The following PTPN3 variants were observed in gnomAD, a reference collection of about 807,000 sequenced individuals.
PTPN3 encodes protein tyrosine phosphatase non-receptor type 3, also known as tyrosine-protein phosphatase non-receptor type 3.
PTPN3 carries 96 observed loss-of-function variants against 132.7 expected under a neutral mutation model. The observed-to-expected ratio is 0.72, with a 90% CI of 0.61 to 0.86. The LOEUF (loss-of-function observed/expected upper bound fraction) is 0.86. Ranked by LOEUF, PTPN3 falls within the 40% of genes least tolerant of loss-of-function variation. The pLI, the probability that PTPN3 is intolerant of heterozygous loss-of-function variation, is 0.00. For missense variants in PTPN3, 1,125 were observed against 1,159.6 expected (o/e 0.97, Z 0.43); for synonymous variants, 398 against 429.0 (o/e 0.93, Z 0.89).
At position 109,457,210 on chromosome 9, in the gene PTPN3, C is replaced by T; in HGVS notation, c.252G>A (p.Trp84Ter). The part of the protein sequence containing the change: ...HDDDSVDSPR[W>*]LEASKAIRKQ... ...TCCTGATGGCTTTGCTTGCTTCCAG[C>T]CATCTCTGTTGGACAAGAAAACATA... is the stretch of plus-strand genomic sequence containing the variant. Residue 84 changes from tryptophan (W) to a stop codon, truncating the protein, a stop_gained, in exon 4 of 26, where the codon TGG (tryptophan) becomes TGA (stop). Coordinates refer to ENST00000374541, the MANE Select transcript of PTPN3 (RefSeq NM_002829.4). LOFTEE classifies it high-confidence loss of function. 6.2e-7 allele frequency: 1 copy of T among 1,613,974 alleles called. No individual in the cohort carries two copies. The highest frequency in any genetic ancestry group is 1.3e-5 in the African/African-American group (1 of 75,032).
At chr9:109,484,698 G>T (rs1847131304) in intron 1 of PTPN3, among the ~76,000 whole-genome samples, 1 of 152,170 alleles carries the variant, frequency 6.6e-6, no homozygotes, top group Non-Finnish European at 1.5e-5. Context: ...CAGCACCCTT[G>T]TTTGATATCC....
At chr9:109,389,072 C>T (rs1839833960) in intron 22 of PTPN3, among the ~76,000 whole-genome samples, 161 bp downstream of exon 22, 1 of 152,064 alleles carries the variant, frequency 6.6e-6, no homozygotes, top group Non-Finnish European at 1.5e-5. Flanking sequence ...GCTGAGCCTC[C>T]CGTCACTAGG....
chr9:109,532,773 A>G, the PTPN3 span: 5 of 483,352 alleles, frequency 1.0e-5, no homozygotes, highest in South Asian at 8.9e-5. Flanking sequence ...CTGGAATTTC[A>G]TATTTCTTCT....
At chr9:109,479,315 G>A (rs2132096902) in intron 1 of PTPN3, among the ~76,000 whole-genome samples, 1 of 152,216 alleles carries the variant, frequency 6.6e-6, no homozygotes, top group Admixed American at 6.5e-5. Flanking sequence ...ATTTCACTTA[G>A]CATGTTTTTA....
intron 9 of PTPN3, among the ~76,000 whole-genome samples, chr9:109,433,635 G>A (rs879722877): frequency 1.1e-4 from 17 of 152,222 alleles, no homozygotes; most frequent in Non-Finnish European, 1.9e-4. Flanking sequence ...GCTGGGTGAG[G>A]TGGCTCACGC....
At chr9:109,419,761 T>C (rs953901318) in intron 14 of PTPN3, among the ~76,000 whole-genome samples, 3 of 152,206 alleles carry the variant, frequency 2.0e-5, no homozygotes, top group East Asian at 3.9e-4. Flanking sequence ...GGGAAACAAA[T>C]GGGTTAAATA....
rs1842823689 is a variant in PTPN3, at chr9:109,420,507, T to C, written c.1230A>G (p.Glu410=). The C allele has an allele frequency of 6.2e-7, 1 of 1,613,408 alleles. No homozygotes were observed. The highest frequency in any genetic ancestry group is 1.3e-5 in the African/African-American group (1 of 74,926). The part of the protein sequence containing the change: ...ANEMTYITET[E]DVFYTYKGSL... Reference sequence around the variant, plus strand: ...AGCCCTTGTACGTGTAAAATACATCTTCCGTTTCCGTGATGTAGGTCATTT... The same window carrying C: ...AGCCCTTGTACGTGTAAAATACATCCTCCGTTTCCGTGATGTAGGTCATTT... The change falls in exon 14 of 26, where the codon GAA becomes GAG. Residue 410 remains glutamate, a synonymous_variant. Coordinates refer to ENST00000374541, the MANE Select transcript of PTPN3 (RefSeq NM_002829.4).
chr9:109,405,726 A>T (rs1841507661), intron 18 of PTPN3, among the ~76,000 whole-genome samples: 1 of 152,206 alleles, frequency 6.6e-6, no homozygotes, highest in African/African-American at 2.4e-5. Context: ...AGTAGCTGGG[A>T]CTATACCCAC....
In PTPN3 at chr9:109,457,316, A is replaced by G. The variant is rs370731089; in HGVS notation, c.222T>C (p.His74=). Residue 74 remains histidine, a synonymous_variant, in exon 3 of 26, where the codon CAT becomes CAC. Coordinates refer to ENST00000374541, the MANE Select transcript of PTPN3 (RefSeq NM_002829.4). The part of the protein sequence containing the change: ...VTEKEYFGLQ[H]DDDSVDSPRW... ...CAGGAGAGTCCACGGAGTCGTCATC[A>G]TGCTGTAAACCAAAATATTCCTTTT... 1 of 1,614,080 alleles carries G rather than the reference A, an allele frequency of 6.2e-7. No homozygotes were observed. The highest frequency in any genetic ancestry group is 1.3e-5 in the African/African-American group (1 of 74,946).
chr9:109,510,570 AAAAAAAATAT>A, the PTPN3 span, among the ~76,000 whole-genome samples: 18 of 78,504 alleles, frequency 2.3e-4, no homozygotes, highest in Non-Finnish European at 4.1e-4. Flanking sequence ...AAAAAAAAAA[AAAAAAAATAT>A]ATATATATAT....
At chr9:109,492,347 C>T (rs765612376) in intron 1 of PTPN3, among the ~76,000 whole-genome samples, 5 of 152,190 alleles carry the variant, frequency 3.3e-5, no homozygotes, top group Non-Finnish European at 5.9e-5. Context: ...GCAGCCATGG[C>T]CCCTGCACAG....
Position 109,413,520 on chromosome 9 carries a change from A to G in PTPN3, c.1314-3105T>C, listed in dbSNP as rs564770529. On this transcript the variant is annotated intron_variant, in intron 14 of 25. Transcript: ENST00000374541. Reference sequence around the variant, plus strand: ...TAGTGCCTCCTCTGTCGCTGGGCAGAATGCAGTGCGGCTGAGGAGCGCAGG... The same window carrying G: ...TAGTGCCTCCTCTGTCGCTGGGCAGGATGCAGTGCGGCTGAGGAGCGCAGG... 5.3e-5 allele frequency among the ~76,000 whole-genome samples: 8 copies of G among 152,336 alleles called. No individual in the cohort carries two copies. The East Asian group carries it at 1.5e-3, about 29-fold the overall frequency.
At position 109,395,836 on chromosome 9, in the gene PTPN3, AT is replaced by A. The variant is rs796722010; in HGVS notation, c.1954-4276del. Among the ~76,000 whole-genome samples the A allele has an allele frequency of 2.3e-4, 28 of 123,742 alleles. No homozygotes were observed. In the East Asian group the frequency reaches 5.4e-3, roughly 24 times the overall value. 81.2% of individuals were successfully genotyped at this position (123,742 alleles called of 152,430 possible). A position where few individuals can be genotyped will look rare whatever the true frequency, so the allele number is the denominator to read the frequency against. On this transcript the variant is annotated intron_variant, in intron 19 of 25. Transcript: ENST00000374541. ...TCTCTCTCTCTATATATATGTATAT[AT>A]TTTTTTTCAAGTTCCTATTTTTTTT...
chr9:109,389,208 C>G, intron 22 of PTPN3, 25 bp downstream of exon 22: 1 of 1,612,826 alleles, frequency 6.2e-7, no homozygotes, highest in South Asian at 1.1e-5. Flanking sequence ...CTGCACACAT[C>G]TGAATTAGAA....
At chr9:109,454,411 G>T (rs1845452003) in intron 5 of PTPN3, 85 bp downstream of exon 5, 14 of 1,144,852 alleles carry the variant, frequency 1.2e-5, no homozygotes. Flanking sequence ...AAGTTATTTG[G>T]CCATAGTAAT....
rs1839185252 is a variant in PTPN3, at chr9:109,382,429, CTG to C, written c.2399_2400del (p.Thr800SerfsTer11). On this transcript the variant is annotated frameshift_variant, in exon 24 of 26. Coordinates refer to ENST00000374541, the MANE Select transcript of PTPN3 (RefSeq NM_002829.4). LOFTEE classifies it high-confidence loss of function. Reference sequence around the variant, plus strand: ...CATGCGACGTACTGGAGATGTGTCACTGTGTGTTCTTCCCCGGTCTGTGGGAG... The same window carrying C: ...CATGCGACGTACTGGAGATGTGTCACTGTGTTCTTCCCCGGTCTGTGGGAG... ...VTNTQTGEEH[T>X]VTHLQYVAWP... 6.2e-7 allele frequency: 1 copy of C among 1,614,212 alleles called. No individual in the cohort carries two copies. Among genetic ancestry groups the C allele is most frequent in the Admixed American group, 1.7e-5 (1 of 60,030 alleles).
At chr9:109,395,358 T>A (rs982420816) in intron 19 of PTPN3, among the ~76,000 whole-genome samples, 1 of 152,178 alleles carries the variant, frequency 6.6e-6, no homozygotes, top group African/African-American at 2.4e-5. Flanking sequence ...GGTGGACAAA[T>A]CAAAGTTAAG....
intron 4 of PTPN3, among the ~76,000 whole-genome samples, chr9:109,456,525 G>A (rs1189275614): frequency 7.9e-5 from 12 of 152,212 alleles, no homozygotes; most frequent in Non-Finnish European, 1.5e-5. Context: ...ACAGACTGAG[G>A]GGAGGCACTG....
intron 14 of PTPN3, among the ~76,000 whole-genome samples, chr9:109,415,613 T>C (rs980303235): frequency 6.6e-6 from 1 of 152,180 alleles, no homozygotes; most frequent in African/African-American, 2.4e-5. Context: ...GATTTGGATA[T>C]GACTGAGCTA....
Sources: allele counts gnomAD v4.1 joint callset (sites outside exome capture counted in the v4.1 genomes callset), GRCh38; gene constraint gnomAD v4.1.1; transcripts MANE v1.5; gene names NCBI Gene and HGNC (gene_info 2026-07-23, HGNC 2026-07-21).